Variants in FAT4 observed in about 807,000 individuals in gnomAD.
The protein encoded by FAT4 is protocadherin Fat 4.
FAT4 carries 84 observed loss-of-function variants against 303.9 expected under a neutral mutation model. The ratio of observed to expected loss-of-function variants is 0.28; its 90% confidence interval spans 0.23 to 0.33. The LOEUF (loss-of-function observed/expected upper bound fraction) is 0.33, where lower values mean the gene tolerates loss of function less well. Among genes scored for constraint, FAT4 ranks in the 10% least tolerant of loss-of-function variants. FAT4 has a pLI of 1.00. For synonymous variants in FAT4, 2,307 were observed against 2,298.8 expected, an observed-to-expected ratio of 1.00 and a Z score of -0.10; for missense variants, 6,005 against 6,146.8, an observed-to-expected ratio of 0.98 and a Z score of 0.77.
At chr4:125,438,011 T>C (rs755323087) in intron 8 of FAT4, among the ~76,000 whole-genome samples, 66 of 152,190 alleles carry the variant, frequency 4.3e-4, no homozygotes, top group Non-Finnish European at 7.2e-4. Context: ...CCTCTACCTG[T>C]CTATCATTTG....
intron 7 of FAT4, among the ~76,000 whole-genome samples, chr4:125,421,195 G>C (rs550040778): frequency 6.6e-6 from 1 of 152,122 alleles, no homozygotes; most frequent in Non-Finnish European, 1.5e-5. Flanking sequence ...AGTGCTAGGC[G>C]TGAGCCACTG....
In FAT4 at chr4:125,324,571, G is replaced by T. The variant is rs915875403; in HGVS notation, c.5175+2985G>T. Among the ~76,000 whole-genome samples the T allele has an allele frequency of 3.9e-5, 6 of 152,152 alleles. No homozygotes were observed. In the East Asian group the frequency reaches 9.6e-4, roughly 24 times the overall value. On this transcript the variant is annotated intron_variant, in intron 2 of 17. Coordinates refer to ENST00000394329, the MANE Select transcript of FAT4 (RefSeq NM_001291303.3). ...AGGTCAGAGCATAATAATTATCTCTGCTCTACAAATGAATTGATAACTGTC... is the reference window on the plus strand; with the variant it reads ...AGGTCAGAGCATAATAATTATCTCTTCTCTACAAATGAATTGATAACTGTC...
intron 7 of FAT4, among the ~76,000 whole-genome samples, chr4:125,418,290 C>T (rs1311665398): frequency 6.6e-6 from 1 of 152,174 alleles, no homozygotes; most frequent in Non-Finnish European, 1.5e-5. Context: ...GAACTATTAC[C>T]TTAGCCCAGA....
At chr4:125,395,149 T>A (rs966722941) in intron 2 of FAT4, among the ~76,000 whole-genome samples, 1 of 152,084 alleles carries the variant, frequency 6.6e-6, no homozygotes, top group Admixed American at 6.6e-5. Flanking sequence ...AGATCTTCTC[T>A]CCTAGATAAT....
At position 125,406,917 on chromosome 4, in the gene FAT4, G is replaced by A. The variant is rs1734635696; in HGVS notation, c.5345G>A (p.Gly1782Glu). 6.2e-6 allele frequency: 10 copies of A among 1,613,496 alleles called. No individual in the cohort carries two copies. The highest frequency in any genetic ancestry group is 1.3e-5 in the African/African-American group (1 of 74,858). ...CTCGTCACATACACTATCATTAGTGGAGCTGATGATAGTTTTCGCATCGAC... is the reference window on the plus strand; with the variant it reads ...CTCGTCACATACACTATCATTAGTGAAGCTGATGATAGTTTTCGCATCGAC... ...NALVTYTIIS[G>E]ADDSFRIDPE... Residue 1782 changes from glycine to glutamate, a missense_variant, in exon 4 of 18, where the codon GGA becomes GAA. Physicochemically the swap from Gly to Glu is moderately conservative, Grantham distance 98. Coordinates refer to ENST00000394329, the MANE Select transcript of FAT4 (RefSeq NM_001291303.3).
intron 2 of FAT4, among the ~76,000 whole-genome samples, chr4:125,373,239 T>G (rs990458323): frequency 2.6e-5 from 4 of 152,102 alleles, no homozygotes; most frequent in Non-Finnish European, 5.9e-5. Context: ...GTAATAATAA[T>G]TCAGTGAATT....
chr4:125,467,416 A>G (rs1225517122), intron 11 of FAT4, among the ~76,000 whole-genome samples: 1 of 152,248 alleles, frequency 6.6e-6, no homozygotes, highest in Non-Finnish European at 1.5e-5. Flanking sequence ...TTGCAAGTTA[A>G]TAAGAATCAT....
intron 16 of FAT4, among the ~76,000 whole-genome samples, chr4:125,484,848 T>TG (rs1278104273): frequency 6.6e-6 from 1 of 151,834 alleles, no homozygotes; most frequent in Non-Finnish European, 1.5e-5. Context: ...TGAAGATTTT[T>TG]GGGGGGATGG....
chr4:125,381,645 A>T lies in FAT4; in HGVS notation c.5176-17139A>T, dbSNP rs554635742. On this transcript the variant is annotated intron_variant, in intron 2 of 17. Transcript: ENST00000394329. ...TAATGTTGATGGCTGCTGACTGATC[A>T]GGGTGGTAATTGCTGAAGGTTGTGG... Among the ~76,000 whole-genome samples, 31 of 152,306 alleles carry T rather than the reference A, an allele frequency of 2.0e-4. No homozygotes were observed. In the South Asian group the frequency reaches 4.3e-3, roughly 21 times the overall value.
intron 12 of FAT4, among the ~76,000 whole-genome samples, chr4:125,469,126 T>C (rs1460096611): frequency 6.6e-6 from 1 of 152,230 alleles, no homozygotes; most frequent in African/African-American, 2.4e-5. Flanking sequence ...CTGCCTTGAC[T>C]AAGTATTTCT....
chr4:125,375,427 A>G (rs560694381), intron 2 of FAT4, among the ~76,000 whole-genome samples: 36 of 152,354 alleles, frequency 2.4e-4, no homozygotes, highest in Admixed American at 2.3e-3. Flanking sequence ...TGTGCCTCCA[A>G]TGAGCATTGG....
intron 8 of FAT4, among the ~76,000 whole-genome samples, chr4:125,441,405 T>C (rs1725655984): frequency 6.6e-6 from 1 of 152,138 alleles, no homozygotes; most frequent in African/African-American, 2.4e-5. Context: ...AACATGGCAT[T>C]AGAGAAAGAA....
intron 2 of FAT4, among the ~76,000 whole-genome samples, chr4:125,356,293 T>A (rs1732421411): frequency 6.6e-6 from 1 of 152,028 alleles, no homozygotes; most frequent in Non-Finnish European, 1.5e-5. Flanking sequence ...TAATGACATC[T>A]TTACATCCCT....
rs1480817780 is a variant in FAT4, at chr4:125,407,106, T to C, written c.5534T>C (p.Val1845Ala). ...NDHTPKFSRP[V>A]YSFDIPEDTI... ...CATACACCCAAATTTTCCAGACCCGTGTACTCTTTTGACATTCCTGAGGAC... is the reference window on the plus strand; with the variant it reads ...CATACACCCAAATTTTCCAGACCCGCGTACTCTTTTGACATTCCTGAGGAC... The change falls in exon 4 of 18, where the codon GTG becomes GCG. Residue 1845 changes from valine to alanine, a missense_variant. Coordinates refer to ENST00000394329, the MANE Select transcript of FAT4 (RefSeq NM_001291303.3). 6.2e-7 allele frequency: 1 copy of C among 1,613,572 alleles called. No individual in the cohort carries two copies. Among genetic ancestry groups the C allele is most frequent in the African/African-American group, 1.3e-5 (1 of 74,876 alleles).
At chr4:125,351,881 C>T (rs1261386977) in intron 2 of FAT4, among the ~76,000 whole-genome samples, 2 of 151,572 alleles carry the variant, frequency 1.3e-5, no homozygotes, top group Non-Finnish European at 3.0e-5. Context: ...AAATTCTAGA[C>T]ACTTCCAACT....
intron 2 of FAT4, among the ~76,000 whole-genome samples, chr4:125,350,811 G>C (rs1732193518): frequency 6.6e-6 from 1 of 151,648 alleles, no homozygotes; most frequent in South Asian, 2.1e-4. Context: ...TGTTACTAGG[G>C]ATGGACACTA....
In FAT4 at chr4:125,319,610, G is replaced by A. The variant is rs555657926; in HGVS notation, c.3199G>A (p.Val1067Ile). 23 of 1,613,914 alleles carry A rather than the reference G, an allele frequency of 1.4e-5. No homozygotes were observed. The highest frequency in any genetic ancestry group is 4.0e-5 in the African/African-American group (3 of 74,928). The change falls in exon 2 of 18, where the codon GTT (valine) becomes ATT (isoleucine). Residue 1067 changes from valine to isoleucine, a missense_variant. Val to Ile is a conservative substitution (Grantham distance 29, BLOSUM62 3). Transcript: ENST00000394329. ...ELDRELQDRY[V>I]LMVVASDRAV... ...GGACCGTGAACTTCAAGACAGATAT[G>A]TTTTAATGGTTGTTGCTTCTGACAG... is the stretch of plus-strand genomic sequence containing the variant.
At chr4:125,440,610 T>TGTGTGTGAGAGAGAGAGAGAGAGAGAGA (rs372756130) in intron 8 of FAT4, among the ~76,000 whole-genome samples, 3 of 75,746 alleles carry the variant, frequency 4.0e-5, no homozygotes, top group East Asian at 4.5e-4. Context: ...TGTGTGTGTG[T>TGTGTGTGAGAGAGAGAGAGAGAGAGAGA]GAGAGAGAGA....
chr4:125,481,778 G>A (rs201936402), intron 16 of FAT4, 40 bp downstream of exon 16: 133 of 1,554,256 alleles, frequency 8.6e-5, no homozygotes, highest in Admixed American at 2.5e-4. Context: ...TGATTAGACC[G>A]CCTGCCGTGT....
Sources: gnomAD v4.1 joint callset for allele counts (sites outside exome capture counted in the v4.1 genomes callset) on GRCh38, gnomAD v4.1.1 for gene constraint, MANE v1.5 for transcripts, NCBI Gene and HGNC (gene_info 2026-07-23, HGNC 2026-07-21) for gene names.